Variants in IL31RA observed in about 807,000 individuals in gnomAD.
IL31RA encodes interleukin-31 receptor subunit alpha.
In IL31RA, 66 loss-of-function variants were observed where a neutral mutation model predicts 83.7. The ratio of observed to expected loss-of-function variants is 0.79; its 90% CI spans 0.65 to 0.97. The LOEUF is 0.97. Among genes scored for constraint, IL31RA ranks in the 50% least tolerant of loss-of-function variants. The pLI is 0.00. For missense variants in IL31RA, 798 were observed against 919.4 expected, an observed-to-expected ratio of 0.87 and a Z score of 1.71; for synonymous variants, 325 against 329.0, an observed-to-expected ratio of 0.99 and a Z score of 0.13.
At chr5:55,906,787 C>G (rs1749185638) in intron 9 of IL31RA, among the ~76,000 whole-genome samples, 2 of 152,144 alleles carry the variant, frequency 1.3e-5, no homozygotes, top group Non-Finnish European at 2.9e-5. Context: ...GAGACAGGGT[C>G]TTGCTTGATT....
intron 6 of IL31RA, among the ~76,000 whole-genome samples, chr5:55,894,265 G>T (rs1286200866): frequency 1.3e-5 from 2 of 152,082 alleles, no homozygotes; most frequent in Non-Finnish European, 2.9e-5. Flanking sequence ...TAATGACTTT[G>T]TAGTCCTGTA....
In IL31RA at chr5:55,876,178, C is replaced by T. The variant is rs570266535; in HGVS notation, c.454+3727C>T. On this transcript the variant is annotated intron_variant, in intron 4 of 14. Coordinates refer to ENST00000652347, the MANE Select transcript of IL31RA (RefSeq NM_139017.7). ...ATCCCAGCACTTTGGGAGGCTGAGG[C>T]GGGCAAATCATGAGGTCAAGAGATT... Among the ~76,000 whole-genome samples the T allele has an allele frequency of 8.5e-5, 13 of 152,156 alleles. No homozygotes were observed. The South Asian group carries it at 2.1e-3, about 24-fold the overall frequency.
the IL31RA span, among the ~76,000 whole-genome samples, chr5:55,844,644 G>C: frequency 6.6e-6 from 1 of 151,788 alleles, no homozygotes; most frequent in South Asian, 2.1e-4. Flanking sequence ...TGGATCCTTG[G>C]TTTGTTTTCT....
Position 55,859,596 on chromosome 5 carries a change from G to A in IL31RA, c.151G>A (p.Ala51Thr). 6.2e-7 allele frequency: 1 copy of A among 1,605,324 alleles called. No homozygotes were observed. The highest frequency in any genetic ancestry group is 8.5e-7 in the Non-Finnish European group (1 of 1,172,176). ...CCCCTCACTCTGCAAATTCAGCCTG[G>A]CAGGTAGGTTGACCTGGGCCCTTTT... ...MLPSLCKFSL[A>T]ALPAKPENIS... The change falls in exon 2 of 15, where the codon GCA becomes ACA. Residue 51 changes from alanine to threonine, a missense_variant. By Grantham distance (58) the Ala-to-Thr change is moderately conservative. Transcript: ENST00000652347.
chr5:55,872,378 C>G lies in IL31RA; in HGVS notation c.381C>G (p.Thr127=). 1 of 1,611,234 alleles carries G rather than the reference C, an allele frequency of 6.2e-7. No individual in the cohort carries two copies. Among genetic ancestry groups the G allele is most frequent in the South Asian group, 1.1e-5 (1 of 90,998 alleles). ...LPRITIPDNY[T]IEVEAENGDG... ...GAATAACGATCCCAGATAATTATAC[C>G]ATTGAGGTGGAAGCTGAAAATGGAG... The change falls in exon 4 of 15, where the codon ACC becomes ACG. Residue 127 remains threonine, a synonymous_variant. Coordinates refer to ENST00000652347, the MANE Select transcript of IL31RA (RefSeq NM_139017.7).
intron 12 of IL31RA, 46 bp from the exon 13 acceptor site, chr5:55,913,428 CAAG>C (rs771656059): frequency 1.7e-6 from 2 of 1,159,852 alleles, no homozygotes; most frequent in Admixed American, 1.7e-5. Flanking sequence ...TGATTTTTGT[CAAG>C]AAGGTGAGGA....
At chr5:55,905,452 G>A (rs1017350281) in intron 8 of IL31RA, among the ~76,000 whole-genome samples, 6 of 152,088 alleles carry the variant, frequency 3.9e-5, no homozygotes, top group Non-Finnish European at 5.9e-5. Flanking sequence ...TCCAGATGTT[G>A]GATTGCAAGC....
At chr5:55,855,656 C>A (rs1580644671) in intron 1 of IL31RA, among the ~76,000 whole-genome samples, 1 of 152,310 alleles carries the variant, frequency 6.6e-6, no homozygotes, top group East Asian at 1.9e-4. Context: ...AAAACAGCCA[C>A]ACTCTATTTC....
chr5:55,912,453 T>TTC (rs1749551535), intron 12 of IL31RA, among the ~76,000 whole-genome samples: 1 of 152,164 alleles, frequency 6.6e-6, no homozygotes, highest in Admixed American at 6.5e-5. Context: ...GGCTGGATCC[T>TTC]TCTCACTATT....
chr5:55,896,962 G>A, intron 7 of IL31RA, among the ~76,000 whole-genome samples: 1 of 40,444 alleles, frequency 2.5e-5, no homozygotes, highest in African/African-American at 1.0e-4. Flanking sequence ...GACTACAGAA[G>A]TGTGCCAGTA....
intron 2 of IL31RA, among the ~76,000 whole-genome samples, chr5:55,868,053 G>A (rs1051503574): frequency 1.3e-5 from 2 of 152,290 alleles, no homozygotes; most frequent in South Asian, 4.1e-4. Flanking sequence ...TTATAATGGT[G>A]ACAAAGTCAC....
At chr5:55,844,122 G>A in the IL31RA span, among the ~76,000 whole-genome samples, 3 of 151,946 alleles carry the variant, frequency 2.0e-5, no homozygotes, top group African/African-American at 7.3e-5. Context: ...TTCCTATAAA[G>A]GCACAAAAGA....
In IL31RA at chr5:55,883,824, C is replaced by T. The variant is rs551433713; in HGVS notation, c.606+629C>T. On this transcript the variant is annotated intron_variant, in intron 5 of 14. Transcript: ENST00000652347. ...TTCCTTGAGTCCCAGGATGAAGAAG[C>T]GCCCAGTAGAAATAGAGGAGGAGCA... 1.4e-4 allele frequency among the ~76,000 whole-genome samples: 21 copies of T among 152,218 alleles called. No homozygotes were observed. The South Asian group carries it at 2.5e-3, about 18-fold the overall frequency.
At chr5:55,898,679 A>AAGATTTTAAATAACATATTAATATGTT (rs1748610251) in intron 7 of IL31RA, among the ~76,000 whole-genome samples, 1 of 148,206 alleles carries the variant, frequency 6.7e-6, no homozygotes, top group African/African-American at 2.6e-5. Context: ...GTTTTTTAAA[A>AAGATTTTAAATAACATATTAATATGTT]AGATTTTAAA....
At chr5:55,913,179 C>T (rs1002006448) in intron 12 of IL31RA, among the ~76,000 whole-genome samples, 3 of 152,024 alleles carry the variant, frequency 2.0e-5, no homozygotes, top group Admixed American at 6.5e-5. Flanking sequence ...CAACCTCCGC[C>T]TCCCAGGTTC....
chr5:55,917,031 G>GC lies in IL31RA; in HGVS notation c.2210dup (p.Asn738LysfsTer17), dbSNP rs1561129352. 1 of 1,614,192 alleles carries GC rather than the reference G, an allele frequency of 6.2e-7. No homozygotes were observed. The highest frequency in any genetic ancestry group is 8.5e-7 in the Non-Finnish European group (1 of 1,180,028). ...ACCAGATCATCTGTGTGAGGAAGGA[G>GC]CCCCAAATCCATATTTGAAAAATTC... is the stretch of plus-strand genomic sequence containing the variant. On this transcript the variant is annotated frameshift_variant, in exon 15 of 15. Transcript: ENST00000652347. LOFTEE classifies it low-confidence loss of function (END_TRUNC).
chr5:55,874,762 T>C (rs1746732732), intron 4 of IL31RA, among the ~76,000 whole-genome samples: 1 of 152,174 alleles, frequency 6.6e-6, no homozygotes, highest in Non-Finnish European at 1.5e-5. Context: ...TTGGTTCTAA[T>C]AGGTTTTTTA....
intron 1 of IL31RA, among the ~76,000 whole-genome samples, chr5:55,856,875 T>C (rs187559472): frequency 6.6e-6 from 1 of 152,192 alleles, no homozygotes; most frequent in Admixed American, 6.5e-5. Flanking sequence ...CTCAAAGTCT[T>C]CTGTTTAGGA....
Position 55,851,496 on chromosome 5 carries a change from T to A in IL31RA, c.-75T>A. The A allele has an allele frequency of 1.2e-6, 2 of 1,613,466 alleles. No individual in the cohort carries two copies. Among genetic ancestry groups the A allele is most frequent in the Non-Finnish European group, 1.7e-6 (2 of 1,179,662 alleles). ...AACCAGCATGGCACTAAATAGACCA[T>A]GAAAAGACATGTGTGTGCAGTATGA... On this transcript the variant is annotated 5_prime_UTR_variant, in exon 1 of 15. An upstream start codon of the reference 5' UTR is lost. Coordinates refer to ENST00000652347, the MANE Select transcript of IL31RA (RefSeq NM_139017.7).
Sources: gnomAD v4.1 joint callset for allele counts (sites outside exome capture counted in the v4.1 genomes callset) on GRCh38, gnomAD v4.1.1 for gene constraint, MANE v1.5 for transcripts, NCBI Gene and HGNC (gene_info 2026-07-23, HGNC 2026-07-21) for gene names.